Variants in APBB2 observed in about 807,000 individuals in gnomAD.
APBB2 encodes the protein Fe65-like 1.
In APBB2, 38 loss-of-function variants were observed where a neutral mutation model predicts 82.5. That is an observed-to-expected ratio of 0.46 (90% confidence interval 0.36 to 0.60). The LOEUF (loss-of-function observed/expected upper bound fraction) is 0.60, where lower values mean the gene tolerates loss of function less well. Ranked by LOEUF, APBB2 falls within the 20% of genes least tolerant of loss-of-function variation. The pLI, the probability that APBB2 is intolerant of heterozygous loss-of-function variation, is 0.00. For missense variants in APBB2, 772 were observed against 972.3 expected (o/e 0.79, Z 2.74); for synonymous variants, 341 against 368.2 (o/e 0.93, Z 0.85).
At chr4:41,033,461 T>C (rs77364600) in intron 4 of APBB2, among the ~76,000 whole-genome samples, 157 bp from the exon 5 acceptor site, 3,303 of 152,256 alleles carry the variant, frequency 0.022, 55 homozygotes, top group Non-Finnish European at 0.032. Flanking sequence ...TAGTTGGTCA[T>C]ACCACTTTTG....
At chr4:41,176,722 A>AAG (rs1167311780) in intron 1 of APBB2, among the ~76,000 whole-genome samples, 1 of 152,188 alleles carries the variant, frequency 6.6e-6, no homozygotes, top group African/African-American at 2.4e-5. Context: ...TAAGAAAAAG[A>AAG]AGCAAAACAA....
rs1392396019 is a variant in APBB2, at chr4:41,134,692, T to C, written c.-261+8295A>G. 4.6e-5 allele frequency among the ~76,000 whole-genome samples: 7 copies of C among 152,230 alleles called. No homozygotes were observed. The East Asian group carries it at 1.4e-3, about 30-fold the overall frequency. On this transcript the variant is annotated intron_variant, in intron 2 of 17. Coordinates refer to ENST00000508593, the MANE Select transcript of APBB2 (RefSeq NM_004307.2). ...AACACTGTCTCTGTCAAAGAACTGT[T>C]GTGAGGATCAAATGAAGTCTGCCCC...
intron 6 of APBB2, among the ~76,000 whole-genome samples, chr4:41,011,645 G>T (rs1327469356): frequency 6.6e-6 from 1 of 152,122 alleles, no homozygotes; most frequent in Non-Finnish European, 1.5e-5. Context: ...TGCCCAGGCT[G>T]GTCTCAAATT....
intron 6 of APBB2, among the ~76,000 whole-genome samples, chr4:40,992,838 G>T (rs768405205): frequency 2.6e-5 from 4 of 152,110 alleles, no homozygotes; most frequent in Non-Finnish European, 5.9e-5. Context: ...CAAACCACAG[G>T]GCCGGATGGA....
At chr4:40,954,459 C>G (rs749878146) in intron 6 of APBB2, among the ~76,000 whole-genome samples, 1 of 152,120 alleles carries the variant, frequency 6.6e-6, no homozygotes, top group African/African-American at 2.4e-5. Context: ...TGGTTTAAAG[C>G]TAGGGGTGCA....
intron 2 of APBB2, chr4:41,113,914 C>G (rs1251232954): frequency 1.3e-5 from 2 of 152,232 alleles, no homozygotes; most frequent in Non-Finnish European, 2.9e-5. Context: ...CATGGTGAAC[C>G]CTGTCTCTAC....
chr4:41,014,663 A>G (rs1383549981), intron 5 of APBB2, among the ~76,000 whole-genome samples: 1 of 152,214 alleles, frequency 6.6e-6, no homozygotes, highest in African/African-American at 2.4e-5. Context: ...TAAAATAAAA[A>G]AGCATTTCTC....
At chr4:41,199,321 A>G (rs1167830646) in intron 1 of APBB2, among the ~76,000 whole-genome samples, 1 of 152,230 alleles carries the variant, frequency 6.6e-6, no homozygotes, top group Non-Finnish European at 1.5e-5. Flanking sequence ...TTGAGATTCA[A>G]GGTTTCTCTT....
intron 7 of APBB2, among the ~76,000 whole-genome samples, chr4:40,939,348 A>T (rs1243765810): frequency 2.6e-5 from 4 of 152,174 alleles, no homozygotes; most frequent in Non-Finnish European, 4.4e-5. Context: ...GAGATTCAGA[A>T]TGTTAGCTCT....
intron 15 of APBB2, among the ~76,000 whole-genome samples, chr4:40,824,634 CATG>C (rs1749243710): frequency 2.0e-5 from 3 of 152,196 alleles, no homozygotes; most frequent in Admixed American, 2.0e-4. Context: ...ACTACAGGTA[CATG>C]CCACCATGCC....
At chr4:40,898,048 G>A (rs1336916438) in intron 10 of APBB2, among the ~76,000 whole-genome samples, 1 of 152,182 alleles carries the variant, frequency 6.6e-6, no homozygotes, top group Non-Finnish European at 1.5e-5. Context: ...GTCATCAGAG[G>A]AGTCTGGATT....
chr4:40,879,007 T>C (rs1455672109), intron 12 of APBB2, among the ~76,000 whole-genome samples: 6 of 152,100 alleles, frequency 3.9e-5, no homozygotes, highest in Non-Finnish European at 7.4e-5. Context: ...CTGTCTTCCC[T>C]TTTCAAACAA....
At chr4:41,098,007 TC>T (rs1201317231) in intron 3 of APBB2, among the ~76,000 whole-genome samples, 1 of 149,472 alleles carries the variant, frequency 6.7e-6, no homozygotes, top group Non-Finnish European at 1.5e-5. Context: ...AAAAGACACC[TC>T]CCCCCTCCCC....
At chr4:40,907,367 ATATATATATATATTTTTTTT>A (rs370730966) in intron 10 of APBB2, among the ~76,000 whole-genome samples, 31 of 71,628 alleles carry the variant, frequency 4.3e-4, no homozygotes, top group African/African-American at 1.3e-3. Context: ...ATATATATAT[ATATATATATATATTTTTTTT>A]TTTTTTTTTT....
In APBB2 at chr4:41,190,516, T is replaced by C. The variant is rs527696103; in HGVS notation, c.-417+23889A>G. On this transcript the variant is annotated intron_variant, in intron 1 of 17. Coordinates refer to ENST00000508593, the MANE Select transcript of APBB2 (RefSeq NM_004307.2). ...CACCTGCCTCAGCCTCCCAAAGCTC[T>C]GGGATTACAGGTTGTGAGGCACCGC... 2.6e-5 allele frequency among the ~76,000 whole-genome samples: 4 copies of C among 152,188 alleles called. 1 individual carries two copies. Among genetic ancestry groups the C allele is most frequent in the African/African-American group, 9.6e-5 (4 of 41,516 alleles).
At chr4:41,070,944 A>G (rs1733660004) in intron 3 of APBB2, among the ~76,000 whole-genome samples, 2 of 152,344 alleles carry the variant, frequency 1.3e-5, no homozygotes, top group African/African-American at 4.8e-5. Flanking sequence ...CAGCTTTTTA[A>G]TTACTGCATT....
At chr4:41,059,976 C>T (rs1292844326) in intron 4 of APBB2, among the ~76,000 whole-genome samples, 3 of 142,650 alleles carry the variant, frequency 2.1e-5, no homozygotes, top group Non-Finnish European at 3.1e-5. Context: ...AGCAAAACTC[C>T]GTCTCAAAAA....
chr4:40,963,350 G>C (rs141841296), intron 6 of APBB2, among the ~76,000 whole-genome samples: 399 of 152,106 alleles, frequency 2.6e-3, no homozygotes, highest in Non-Finnish European at 4.4e-3. Flanking sequence ...GGGCTCAAGC[G>C]ATCTTCCCAC....
chr4:41,118,375 T>C (rs1339802321), intron 2 of APBB2, among the ~76,000 whole-genome samples: 3 of 152,102 alleles, frequency 2.0e-5, no homozygotes, highest in Non-Finnish European at 4.4e-5. Context: ...TTGACTTCAA[T>C]TTCTAAGCCT....
Sources: gnomAD v4.1 joint callset for allele counts (sites outside exome capture counted in the v4.1 genomes callset) on GRCh38, gnomAD v4.1.1 for gene constraint, MANE v1.5 for transcripts, NCBI Gene and HGNC (gene_info 2026-07-23, HGNC 2026-07-21) for gene names.